Variants in NUAK1 observed in about 807,000 individuals in gnomAD.
The protein encoded by NUAK1 is NUAK family SNF1-like kinase 1.
A neutral mutation model predicts 56.9 loss-of-function variants in NUAK1; 26 were observed. The observed-to-expected ratio is 0.46, with a 90% CI of 0.33 to 0.63. The LOEUF is 0.63. NUAK1 is among the 30% of genes least tolerant of loss of function. The pLI is 0.02. For missense variants in NUAK1, 727 were observed against 876.1 expected (o/e 0.83, Z 2.15); for synonymous variants, 337 against 336.0 (o/e 1.00, Z -0.03).
intron 1 of NUAK1, among the ~76,000 whole-genome samples, chr12:106,123,181 T>C (rs2032994863): frequency 6.6e-6 from 1 of 152,218 alleles, no homozygotes; most frequent in African/African-American, 2.4e-5. Context: ...AAAAATGTGA[T>C]GAACGAGGTT....
chr12:106,084,008 G>A (rs1380704612), intron 3 of NUAK1, 79 bp from the exon 4 acceptor site: 2 of 1,199,990 alleles, frequency 1.7e-6, no homozygotes, highest in East Asian at 2.3e-5. Flanking sequence ...GGAGGAGGGT[G>A]AGCAAAGGGA....
chr12:106,124,264 T>C (rs777430911), intron 1 of NUAK1, among the ~76,000 whole-genome samples: 4 of 152,236 alleles, frequency 2.6e-5, no homozygotes, highest in Non-Finnish European at 5.9e-5. Context: ...TTCTTGCCTT[T>C]ATAAAGACAG....
chr12:106,122,637 T>A (rs2032989451), intron 1 of NUAK1, among the ~76,000 whole-genome samples: 1 of 152,196 alleles, frequency 6.6e-6, no homozygotes, highest in African/African-American at 2.4e-5. Flanking sequence ...GAAAATGGTG[T>A]GGTGTATCCC....
chr12:106,126,686 A>G (rs1313902221), intron 1 of NUAK1, among the ~76,000 whole-genome samples: 1 of 152,210 alleles, frequency 6.6e-6, no homozygotes. Context: ...GTGAGACTGC[A>G]AAAACAGCCC....
At chr12:106,134,366 G>A (rs1354445939) in intron 1 of NUAK1, among the ~76,000 whole-genome samples, 3 of 152,190 alleles carry the variant, frequency 2.0e-5, no homozygotes, top group Non-Finnish European at 4.4e-5. Context: ...GAATAGCTTT[G>A]GGTGCTTAAA....
intron 5 of NUAK1, 58 bp downstream of exon 5, chr12:106,072,666 C>T (rs2032418081): frequency 2.0e-6 from 3 of 1,537,404 alleles, no homozygotes; most frequent in South Asian, 1.3e-5. Context: ...AGTTTTTGCC[C>T]TTCCTCCCTC....
chr12:106,070,737 C>A (rs1486886228), intron 6 of NUAK1, 37 bp downstream of exon 6: 1 of 1,612,784 alleles, frequency 6.2e-7, no homozygotes, highest in East Asian at 2.2e-5. Context: ...GATCTCTCTC[C>A]CCTCCACCTC....
intron 3 of NUAK1, among the ~76,000 whole-genome samples, chr12:106,085,084 T>C (rs1466368951): frequency 6.6e-6 from 1 of 152,100 alleles, no homozygotes; most frequent in Non-Finnish European, 1.5e-5. Flanking sequence ...CAAAACCGAG[T>C]CTGTTAGAAG....
chr12:106,067,663 A>G lies in NUAK1; in HGVS notation c.1125T>C (p.Asn375=), dbSNP rs142230874. ...CATCCTGACCAGACTGAGCAAAGTC[A>G]TTCTCTTTCTTGGATTTCTTCAGCG... The part of the protein sequence containing the change: ...QRSLKKSKKE[N]DFAQSGQDAV... The change falls in exon 7 of 7, where the codon AAT becomes AAC. Residue 375 remains asparagine, a synonymous_variant. Transcript: ENST00000261402. This position sits in a 1 kb window ranked among gnomAD's most constrained non-coding sequence, Gnocchi z 6.0. 105 of 1,614,124 alleles carry G rather than the reference A, an allele frequency of 6.5e-5. No individual in the cohort carries two copies. Among genetic ancestry groups the G allele is most frequent in the Non-Finnish European group, 8.6e-5 (101 of 1,180,048 alleles).
chr12:106,066,662 G>T lies in NUAK1; in HGVS notation c.*140C>A. On this transcript the variant is annotated 3_prime_UTR_variant, in exon 7 of 7. Transcript: ENST00000261402. ...CCCTTTTAGGTGTTGGCTCAAGGCT[G>T]CAAACTTGGCCAAGTGAGACAGTGC... The T allele has an allele frequency of 1.3e-6, 1 of 743,454 alleles. No individual in the cohort carries two copies. The highest frequency in any genetic ancestry group is 2.3e-6 in the Non-Finnish European group (1 of 444,158). 46.1% of individuals were successfully genotyped at this position (743,454 alleles called of 1,614,324 possible). A position where few individuals can be genotyped will look rare whatever the true frequency, so the allele number is the denominator to read the frequency against.
chr12:106,127,880 C>T (rs2033038691), intron 1 of NUAK1, among the ~76,000 whole-genome samples: 1 of 152,174 alleles, frequency 6.6e-6, no homozygotes, highest in Non-Finnish European at 1.5e-5. Context: ...CGTGCCCAGG[C>T]TGCTGCAGGG....
At position 106,066,967 on chromosome 12, in the gene NUAK1, G is replaced by A; in HGVS notation, c.1821C>T (p.Phe607=). ...RIRSCVSAEN[F]LQIQDFEGLQ... is the part of the protein sequence containing the mutation. ...GCCCCTCAAAGTCCTGGATCTGGAGGAAGTTTTCTGCAGAGACGCAGCTGC... is the reference window on the plus strand; with the variant it reads ...GCCCCTCAAAGTCCTGGATCTGGAGAAAGTTTTCTGCAGAGACGCAGCTGC... Residue 607 remains phenylalanine, a synonymous_variant, in exon 7 of 7, where the codon TTC becomes TTT. Coordinates refer to ENST00000261402, the MANE Select transcript of NUAK1 (RefSeq NM_014840.3). The A allele has an allele frequency of 6.2e-7, 1 of 1,614,232 alleles. No individual in the cohort carries two copies. Among genetic ancestry groups the A allele is most frequent in the Non-Finnish European group, 8.5e-7 (1 of 1,180,046 alleles).
At position 106,094,721 on chromosome 12, in the gene NUAK1, A is replaced by G. The variant is rs543702178; in HGVS notation, c.362-7836T>C. On this transcript the variant is annotated intron_variant, in intron 2 of 6. Coordinates refer to ENST00000261402, the MANE Select transcript of NUAK1 (RefSeq NM_014840.3). Reference sequence around the variant, plus strand: ...GAAGAAAACCACAGCCAATGAGGCCACCCACTGCCAGAAGTGGACTCCACG... The same window carrying G: ...GAAGAAAACCACAGCCAATGAGGCCGCCCACTGCCAGAAGTGGACTCCACG... 1.6e-3 allele frequency among the ~76,000 whole-genome samples: 242 copies of G among 152,320 alleles called. 2 individuals carry two copies. Among genetic ancestry groups the G allele is most frequent in the Non-Finnish European group, 3.2e-3 (217 of 68,030 alleles).
chr12:106,089,724 G>A (rs996557988), intron 2 of NUAK1, among the ~76,000 whole-genome samples: 1 of 151,628 alleles, frequency 6.6e-6, no homozygotes, highest in African/African-American at 2.4e-5. Flanking sequence ...AGGAGGTGGA[G>A]GTTGCAGTGA....
intron 1 of NUAK1, among the ~76,000 whole-genome samples, chr12:106,116,818 A>G (rs1238141801): frequency 6.6e-6 from 1 of 152,224 alleles, no homozygotes; most frequent in African/African-American, 2.4e-5. Flanking sequence ...TTCCATCTTC[A>G]AAAGCACATC....
intron 1 of NUAK1, among the ~76,000 whole-genome samples, chr12:106,113,861 T>C (rs1010864058): frequency 1.3e-5 from 2 of 151,860 alleles, no homozygotes; most frequent in Admixed American, 6.6e-5. Context: ...TGCCAGGGAA[T>C]GTGGGTGTGG....
intron 1 of NUAK1, among the ~76,000 whole-genome samples, chr12:106,114,910 C>A (rs1033222983): frequency 6.6e-6 from 1 of 152,216 alleles, no homozygotes; most frequent in Non-Finnish European, 1.5e-5. Context: ...ACTTGTGCTG[C>A]AGCTTGGTGT....
intron 4 of NUAK1, 48 bp downstream of exon 4, chr12:106,083,816 C>T (rs1159972409): frequency 6.5e-7 from 1 of 1,538,378 alleles, no homozygotes; most frequent in Non-Finnish European, 9.0e-7. Context: ...CTCCATCCGG[C>T]TGCAAGACCC....
At chr12:106,134,288 C>T (rs554039137) in intron 1 of NUAK1, among the ~76,000 whole-genome samples, 2 of 152,386 alleles carry the variant, frequency 1.3e-5, no homozygotes, top group East Asian at 1.9e-4. Context: ...CGTCAACACA[C>T]CTCCTGGCTT....
Sources: allele counts gnomAD v4.1 joint callset (sites outside exome capture counted in the v4.1 genomes callset), GRCh38; gene constraint gnomAD v4.1.1; non-coding constraint Gnocchi (gnomAD v3.1); transcripts MANE v1.5; gene names NCBI Gene and HGNC (gene_info 2026-07-23, HGNC 2026-07-21).